The following FNDC5 variants were observed in gnomAD, a reference collection of about 807,000 sequenced individuals.
FNDC5 encodes the protein fibronectin type III domain containing 5.
A neutral mutation model predicts 24.6 loss-of-function variants in FNDC5; 10 were observed. The observed-to-expected ratio is 0.41, with a 90% CI of 0.25 to 0.69. The LOEUF (loss-of-function observed/expected upper bound fraction) is 0.69. Among genes scored for constraint, FNDC5 ranks in the 30% least tolerant of loss-of-function variants. The pLI, the probability that FNDC5 is intolerant of heterozygous loss-of-function variation, is 0.34. For missense variants in FNDC5, 226 were observed against 282.9 expected, an observed-to-expected ratio of 0.80 and a Z score of 1.44; for synonymous variants, 90 against 110.7, an observed-to-expected ratio of 0.81 and a Z score of 1.18.
rs1641024290 is a variant in FNDC5, at chr1:32,864,211, AATC to A, written c.*80_*82del. 5 of 1,613,420 alleles carry A rather than the reference AATC, an allele frequency of 3.1e-6. No individual in the cohort carries two copies. The South Asian group carries it at 3.3e-5, about 11-fold the overall frequency. On this transcript the variant is annotated 3_prime_UTR_variant, in exon 6 of 6. Transcript: ENST00000373471. ...AGAGAGGGCCAGATGTTTGTTGGAT[AATC>A]ATCATCAGAACCATGAGATCCTCTC... is the stretch of plus-strand genomic sequence containing the variant.
At position 32,864,138 on chromosome 1, in the gene FNDC5, G is replaced by C. The variant is rs1009037467; in HGVS notation, c.*156C>G. 1 of 1,551,614 alleles carries C rather than the reference G, an allele frequency of 6.4e-7. No individual in the cohort carries two copies. The highest frequency in any genetic ancestry group is 2.3e-5 in the East Asian group (1 of 44,006). On this transcript the variant is annotated 3_prime_UTR_variant, in exon 6 of 6. Transcript: ENST00000373471. ...AGAGGCTTCAGGAAAGTGCGCCAGA[G>C]AGAGGACAGTAAGCCAGAGGGTACA...
chr1:32,866,730 C>T (rs988388073), intron 4 of FNDC5, among the ~76,000 whole-genome samples: 3 of 151,996 alleles, frequency 2.0e-5, no homozygotes, highest in Admixed American at 6.6e-5. Flanking sequence ...GAAGAGTAAA[C>T]GAAAAGAAAA....
intron 1 of FNDC5, among the ~76,000 whole-genome samples, chr1:32,869,254 G>A (rs1641132498): frequency 6.6e-6 from 1 of 152,254 alleles, no homozygotes; most frequent in Non-Finnish European, 1.5e-5. Context: ...AGGGGTCCAA[G>A]GCTCAAAGTG....
At chr1:32,864,452 T>C (rs1641030413) in intron 5 of FNDC5, 153 bp from the exon 6 acceptor site, 5 of 1,477,138 alleles carry the variant, frequency 3.4e-6, no homozygotes, top group Admixed American at 2.6e-5. Flanking sequence ...TTTTTTTTTT[T>C]TTTCTTCAAA....
At chr1:32,871,220 C>T (rs1473743059), upstream of FNDC5, among the ~76,000 whole-genome samples, 1 of 152,048 alleles carries the variant, frequency 6.6e-6, no homozygotes, top group Non-Finnish European at 1.5e-5. Context: ...GGACAAGTGC[C>T]ACCGAGATGC....
At position 32,870,805 on chromosome 1, in the gene FNDC5, G is replaced by C. The variant is rs1569997349; in HGVS notation, c.-59C>G. 26 of 764,024 alleles carry C rather than the reference G, an allele frequency of 3.4e-5. No homozygotes were observed. The highest frequency in any genetic ancestry group is 4.1e-5 in the Non-Finnish European group (26 of 632,358). 47.3% of individuals were successfully genotyped at this position (764,024 alleles called of 1,614,324 possible). The stretch of plus-strand genomic sequence containing the variant: ...GCAGGGGGACGCGGCTCCGGCGCCC[G>C]GCGGCCGCTCGCGCTCGCGCTCCGG... On this transcript the variant is annotated 5_prime_UTR_variant, in exon 1 of 6. Coordinates refer to ENST00000373471, the MANE Select transcript of FNDC5 (RefSeq NM_153756.3).
chr1:32,867,671 T>C (rs769199540), intron 4 of FNDC5, 82 bp downstream of exon 4: 25 of 1,397,316 alleles, frequency 1.8e-5, no homozygotes, highest in Non-Finnish European at 2.5e-5. Context: ...CTTACCCTTT[T>C]TTTCATGAGA....
At position 32,868,888 on chromosome 1, in the gene FNDC5, G is replaced by A. The variant is rs1308396488; in HGVS notation, c.204C>T (p.Ser68=). Residue 68 remains serine, a synonymous_variant, in exon 2 of 6, where the codon TCC becomes TCT. Coordinates refer to ENST00000373471, the MANE Select transcript of FNDC5 (RefSeq NM_153756.3). The surrounding 1 kb of genome is among the most constrained non-coding windows in gnomAD (Gnocchi z 4.8). Reference sequence around the variant, plus strand: ...AAGGACAGTGGAGCATTACCTGCTGGGAGATGGCAAATCCGATGACAACCT... The same window carrying A: ...AAGGACAGTGGAGCATTACCTGCTGAGAGATGGCAAATCCGATGACAACCT... 2 of 1,237,032 alleles carry A rather than the reference G, an allele frequency of 1.6e-6. No homozygotes were observed. Among genetic ancestry groups the A allele is most frequent in the East Asian group, 6.3e-5 (2 of 31,994 alleles). 76.6% of individuals were successfully genotyped at this position (1,237,032 alleles called of 1,614,324 possible). A position where few individuals can be genotyped will look rare whatever the true frequency, so the allele number is the denominator to read the frequency against.
rs1641124741 is a variant in FNDC5 at position 32,868,803 on chromosome 1, C to T, written c.210+79G>A. The stretch of plus-strand genomic sequence containing the variant: ...TATTTCCTTTCTATTTCTCCATCAC[C>T]ACCACTGCCACACTCCTACCCCCAT... On this transcript the variant is annotated intron_variant, in intron 2 of 5. Coordinates refer to ENST00000373471, the MANE Select transcript of FNDC5 (RefSeq NM_153756.3). This position sits in a 1 kb window ranked among gnomAD's most constrained non-coding sequence, Gnocchi z 4.8. 1.0e-6 allele frequency: 1 copy of T among 972,332 alleles called. No individual in the cohort carries two copies. Among genetic ancestry groups the T allele is most frequent in the Non-Finnish European group, 1.4e-6 (1 of 735,420 alleles). 60.2% of individuals were successfully genotyped at this position (972,332 alleles called of 1,614,324 possible).
In FNDC5 at chr1:32,867,772, C is replaced by T. The variant is rs775260802; in HGVS notation, c.480G>A (p.Val160=). 6.2e-7 allele frequency: 1 copy of T among 1,613,844 alleles called. No homozygotes were observed. Among genetic ancestry groups the T allele is most frequent in the African/African-American group, 1.3e-5 (1 of 74,838 alleles). The change falls in exon 4 of 6, where the codon GTG becomes GTA. Residue 160 remains valine, a synonymous_variant. Coordinates refer to ENST00000373471, the MANE Select transcript of FNDC5 (RefSeq NM_153756.3). Reference sequence around the variant, plus strand: ...ACTCACCTGCCCACATGAACAGGACCACGACGATGATCAGCACCTCGCCTG... The same window carrying T: ...ACTCACCTGCCCACATGAACAGGACTACGACGATGATCAGCACCTCGCCTG...
chr1:32,865,274 T>G (rs1182370478), intron 4 of FNDC5, among the ~76,000 whole-genome samples: 2 of 151,738 alleles, frequency 1.3e-5, no homozygotes, highest in Non-Finnish European at 2.9e-5. Context: ...TAATTTTGTA[T>G]TTTTAGTAGA....
intron 4 of FNDC5, among the ~76,000 whole-genome samples, chr1:32,865,282 A>G (rs926721053): frequency 1.3e-5 from 2 of 151,534 alleles, no homozygotes; most frequent in African/African-American, 4.8e-5. Flanking sequence ...TATTTTTAGT[A>G]GAGACGGGGT....
chr1:32,864,341 C>G, intron 5 of FNDC5, 42 bp from the exon 6 acceptor site: 1 of 1,611,678 alleles, frequency 6.2e-7, no homozygotes, highest in Non-Finnish European at 8.5e-7. Context: ...CGGTAAAGCA[C>G]CTGCCCAAGG....
At chr1:32,866,439 C>T (rs1222937321) in intron 4 of FNDC5, among the ~76,000 whole-genome samples, 3 of 152,174 alleles carry the variant, frequency 2.0e-5, no homozygotes, top group South Asian at 4.1e-4. Flanking sequence ...TACTCCCCCA[C>T]GTTCTACCTT....
Position 32,864,912 on chromosome 1 carries a change from T to A in FNDC5, c.500-115A>T. On this transcript the variant is annotated intron_variant, in intron 4 of 5. Coordinates refer to ENST00000373471, the MANE Select transcript of FNDC5 (RefSeq NM_153756.3). ...CCAGATTGTACCTCACCTGTACTAC[T>A]GCAGCACCCTCCCTCTGCCCTCTGG... The A allele has an allele frequency of 2.8e-6, 4 of 1,439,102 alleles. No homozygotes were observed. The South Asian group carries it at 5.5e-5, about 20-fold the overall frequency. The allele number at this position is 1,439,102 out of a possible 1,614,324, so 89.1% of individuals were successfully genotyped here. A position where few individuals can be genotyped will look rare whatever the true frequency, so the allele number is the denominator to read the frequency against.
In FNDC5 at chr1:32,870,818, G is replaced by A. The variant is rs1641169336; in HGVS notation, c.-72C>T. ...GCTCCGGCGCCCGGCGGCCGCTCGC[G>A]CTCGCGCTCCGGCCCCCGGCCCGGC... is the stretch of plus-strand genomic sequence containing the variant. On this transcript the variant is annotated 5_prime_UTR_variant, in exon 1 of 6. Transcript: ENST00000373471. 2 of 593,302 alleles carry A rather than the reference G, an allele frequency of 3.4e-6. No individual in the cohort carries two copies. Among genetic ancestry groups the A allele is most frequent in the South Asian group, 7.3e-5 (1 of 13,774 alleles). 36.8% of individuals were successfully genotyped at this position (593,302 alleles called of 1,614,324 possible).
Position 32,863,945 on chromosome 1 carries a change from G to T in FNDC5, c.*349C>A. ...AAGAGAAGCCCTGCCTGGATGTCTTGTCTTTTTGCCTTTTCAAACCCAGCC... is the reference window on the plus strand; with the variant it reads ...AAGAGAAGCCCTGCCTGGATGTCTTTTCTTTTTGCCTTTTCAAACCCAGCC... On this transcript the variant is annotated 3_prime_UTR_variant, in exon 6 of 6. Coordinates refer to ENST00000373471, the MANE Select transcript of FNDC5 (RefSeq NM_153756.3). 7.8e-7 allele frequency: 1 copy of T among 1,278,966 alleles called. No homozygotes were observed. The highest frequency in any genetic ancestry group is 1.0e-6 in the Non-Finnish European group (1 of 994,198). The allele number at this position is 1,278,966 out of a possible 1,614,324, so 79.2% of individuals were successfully genotyped here.
Position 32,864,151 on chromosome 1 carries a change from G to A in FNDC5, c.*143C>T. The A allele has an allele frequency of 6.4e-7, 1 of 1,573,014 alleles. No individual in the cohort carries two copies. The highest frequency in any genetic ancestry group is 8.6e-7 in the Non-Finnish European group (1 of 1,159,100). ...AAGTGCGCCAGAGAGAGGACAGTAA[G>A]CCAGAGGGTACAAGGAGATGGAGGG... On this transcript the variant is annotated 3_prime_UTR_variant, in exon 6 of 6. Transcript: ENST00000373471.
At chr1:32,867,420 C>T (rs556936281) in intron 4 of FNDC5, among the ~76,000 whole-genome samples, 1 of 151,970 alleles carries the variant, frequency 6.6e-6, no homozygotes, top group East Asian at 1.9e-4. Context: ...GGCACAGCAC[C>T]CCAGAAGAAA....
Sources: gnomAD v4.1 joint callset for allele counts (sites outside exome capture counted in the v4.1 genomes callset) on GRCh38, gnomAD v4.1.1 for gene constraint, Gnocchi (gnomAD v3.1) non-coding constraint, MANE v1.5 for transcripts, NCBI Gene and HGNC (gene_info 2026-07-23, HGNC 2026-07-21) for gene names.